UMAD1: variants seen among roughly 807,000 people sequenced by gnomAD.
UMAD1 encodes UBAP1-MVB12-associated (UMA)-domain containing protein 1.
In UMAD1, 8 loss-of-function variants were observed where a neutral mutation model predicts 6.1. The observed-to-expected ratio is 1.30, with a 90% confidence interval of 0.76 to 2.35. The LOEUF is 2.35. UMAD1 is among the 30% of genes most tolerant of loss of function. The pLI is 0.00. For synonymous variants in UMAD1, 56 were observed against 31.4 expected (o/e 1.78, Z -2.61); for missense variants, 130 against 78.4 (o/e 1.66, Z -2.49).
intron 2 of UMAD1, among the ~76,000 whole-genome samples, chr7:7,724,558 C>G (rs1368866630): frequency 6.6e-6 from 1 of 152,150 alleles, no homozygotes; most frequent in Non-Finnish European, 1.5e-5. Context: ...GGGAGTAGTG[C>G]CACCATTAAG....
At chr7:7,700,031 C>T (rs1780418469) in intron 2 of UMAD1, among the ~76,000 whole-genome samples, 1 of 152,134 alleles carries the variant, frequency 6.6e-6, no homozygotes, top group Non-Finnish European at 1.5e-5. Flanking sequence ...TTTAGAGATG[C>T]TCAGTAAATA....
chr7:7,875,982 A>T (rs1471279525), intron 3 of UMAD1, among the ~76,000 whole-genome samples: 3 of 152,200 alleles, frequency 2.0e-5, no homozygotes, highest in Admixed American at 6.5e-5. Context: ...GGAGGCTGAG[A>T]CAGGGAGGAT....
chr7:7,808,788 C>A (rs1165709464), intron 3 of UMAD1, among the ~76,000 whole-genome samples: 1 of 151,860 alleles, frequency 6.6e-6, no homozygotes, highest in African/African-American at 2.4e-5. Flanking sequence ...CCCCACAAAA[C>A]CATAATTCCA....
chr7:7,717,317 A>G (rs755876837), intron 2 of UMAD1, among the ~76,000 whole-genome samples: 23 of 152,150 alleles, frequency 1.5e-4, no homozygotes, highest in Non-Finnish European at 2.6e-4. Context: ...TCAGCATCCC[A>G]AAGTGCTGGA....
At chr7:7,763,584 A>G (rs1223755905) in intron 2 of UMAD1, among the ~76,000 whole-genome samples, 3 of 152,314 alleles carry the variant, frequency 2.0e-5, no homozygotes, top group East Asian at 3.9e-4. Context: ...TATATTTAAG[A>G]TTGAAATTTA....
At chr7:7,751,247 A>G (rs953581315) in intron 2 of UMAD1, among the ~76,000 whole-genome samples, 2 of 152,192 alleles carry the variant, frequency 1.3e-5, no homozygotes, top group African/African-American at 4.8e-5. Context: ...CCCATATTTT[A>G]TAAATGAGAG....
At chr7:7,795,634 G>A (rs1782660924) in intron 2 of UMAD1, among the ~76,000 whole-genome samples, 1 of 152,200 alleles carries the variant, frequency 6.6e-6, no homozygotes, top group Non-Finnish European at 1.5e-5. Flanking sequence ...AACAAGGATG[G>A]GTTATTCATG....
chr7:7,645,622 T>G (rs1398206412), intron 1 of UMAD1, among the ~76,000 whole-genome samples: 2 of 152,232 alleles, frequency 1.3e-5, no homozygotes, highest in Non-Finnish European at 2.9e-5. Flanking sequence ...TTTCCTTCTA[T>G]TCCTAGTTTG....
intron 3 of UMAD1, among the ~76,000 whole-genome samples, chr7:7,835,792 TG>T (rs766956251): frequency 2.6e-5 from 4 of 152,054 alleles, no homozygotes; most frequent in Non-Finnish European, 5.9e-5. Flanking sequence ...TCTGAGGTTT[TG>T]TTTCCATTTA....
chr7:7,814,491 T>C (rs1440862648), intron 3 of UMAD1, among the ~76,000 whole-genome samples: 1 of 152,210 alleles, frequency 6.6e-6, no homozygotes, highest in East Asian at 1.9e-4. Flanking sequence ...TCTCACCTGA[T>C]GCTCCTGTTC....
chr7:7,723,554 G>T (rs1198249031), intron 2 of UMAD1, among the ~76,000 whole-genome samples: 1 of 152,160 alleles, frequency 6.6e-6, no homozygotes, highest in African/African-American at 2.4e-5. Context: ...ACTCTTCCCA[G>T]CTGGGAGGGT....
At chr7:7,777,516 A>AAAG (rs1554327153) in intron 2 of UMAD1, among the ~76,000 whole-genome samples, 6,151 of 116,774 alleles carry the variant, frequency 0.053, 350 homozygotes, top group East Asian at 0.18. Context: ...AAAAAAAAAA[A>AAAG]AAAAAAAGAA....
intron 2 of UMAD1, among the ~76,000 whole-genome samples, chr7:7,734,744 A>T (rs1030820713): frequency 2.0e-5 from 3 of 152,074 alleles, no homozygotes; most frequent in Admixed American, 2.0e-4. Flanking sequence ...GTTACCTATC[A>T]TTTCCATTAA....
At chr7:7,713,240 AG>A (rs1780811462) in intron 2 of UMAD1, among the ~76,000 whole-genome samples, 1 of 151,866 alleles carries the variant, frequency 6.6e-6, no homozygotes, top group South Asian at 2.1e-4. Context: ...GCTACTCAGG[AG>A]GCTGAGGCAG....
At chr7:7,718,770 T>G (rs1780983544) in intron 2 of UMAD1, among the ~76,000 whole-genome samples, 1 of 152,176 alleles carries the variant, frequency 6.6e-6, no homozygotes, top group Admixed American at 6.5e-5. Context: ...CAGGAACCTT[T>G]CTTTTTTCTT....
At chr7:7,797,657 C>G (rs1782714154) in intron 2 of UMAD1, among the ~76,000 whole-genome samples, 1 of 152,020 alleles carries the variant, frequency 6.6e-6, no homozygotes, top group Admixed American at 6.6e-5. Context: ...CCATTCCTTT[C>G]TCACATCCTT....
chr7:7,692,030 C>T lies in UMAD1; in HGVS notation c.82+18577C>T, dbSNP rs141788540. On this transcript the variant is annotated intron_variant, in intron 2 of 3. Coordinates refer to ENST00000682710, the MANE Select transcript of UMAD1 (RefSeq NM_001302348.2). Reference sequence around the variant, plus strand: ...GTTAGATTGAGAAAAAACTAAGCTTCTACACATAGTACAGTATGTTGATAA... The same window carrying T: ...GTTAGATTGAGAAAAAACTAAGCTTTTACACATAGTACAGTATGTTGATAA... Among the ~76,000 whole-genome samples the T allele has an allele frequency of 2.0e-4, 31 of 152,298 alleles. No homozygotes were observed. In the East Asian group the frequency reaches 5.4e-3, roughly 27 times the overall value.
chr7:7,864,068 T>C (rs1026000314), intron 3 of UMAD1, among the ~76,000 whole-genome samples: 2 of 152,360 alleles, frequency 1.3e-5, no homozygotes, highest in South Asian at 2.1e-4. Context: ...GGAGCATCTT[T>C]TGTTATCCAT....
intron 3 of UMAD1, among the ~76,000 whole-genome samples, chr7:7,820,039 C>G (rs894208237): frequency 6.6e-6 from 1 of 152,166 alleles, no homozygotes; most frequent in Non-Finnish European, 1.5e-5. Context: ...AAGGCTACAA[C>G]TATGTCTTTT....
Sources: gnomAD v4.1 joint callset for allele counts (sites outside exome capture counted in the v4.1 genomes callset) on GRCh38, gnomAD v4.1.1 for gene constraint, MANE v1.5 for transcripts, NCBI Gene and HGNC (gene_info 2026-07-23, HGNC 2026-07-21) for gene names.